The following SORCS2 variants were observed in gnomAD, a reference collection of about 807,000 sequenced individuals.
SORCS2 encodes the protein VPS10 domain-containing receptor SorCS2.
SORCS2 carries 100 observed loss-of-function variants against 141.6 expected under a neutral mutation model. That is an observed-to-expected ratio of 0.71 (90% confidence interval 0.60 to 0.83). The LOEUF is 0.83. Among genes scored for constraint, SORCS2 ranks in the 40% least tolerant of loss-of-function variants. SORCS2 has a pLI of 0.00. For synonymous variants in SORCS2, 789 were observed against 676.9 expected, an observed-to-expected ratio of 1.17 and a Z score of -2.57; for missense variants, 1,646 against 1,560.2, an observed-to-expected ratio of 1.05 and a Z score of -0.93.
chr4:7,578,893 A>T (rs371444886), intron 3 of SORCS2, among the ~76,000 whole-genome samples: 15 of 152,316 alleles, frequency 9.8e-5, no homozygotes, highest in Middle Eastern at 3.4e-3. Flanking sequence ...AGCCCACCTT[A>T]TCCCTAAGTT....
At chr4:7,477,221 G>A (rs544103920) in intron 2 of SORCS2, among the ~76,000 whole-genome samples, 54 of 151,778 alleles carry the variant, frequency 3.6e-4, no homozygotes, top group Middle Eastern at 3.4e-3. Flanking sequence ...TCCAAATCTT[G>A]GGAATAGCCT....
chr4:7,265,949 C>T (rs189578408), intron 1 of SORCS2, among the ~76,000 whole-genome samples: 71 of 152,290 alleles, frequency 4.7e-4, no homozygotes, highest in African/African-American at 1.6e-3. Flanking sequence ...TGTCGAAAAA[C>T]AGCCTCCGGC....
At chr4:7,562,022 A>G (rs1193271489) in intron 3 of SORCS2, among the ~76,000 whole-genome samples, 3 of 152,236 alleles carry the variant, frequency 2.0e-5, no homozygotes, top group Non-Finnish European at 4.4e-5. Flanking sequence ...CTTGATCTGT[A>G]CAAAGCACTG....
At chr4:7,703,214 G>A (rs558531160) in intron 12 of SORCS2, 66 bp from the exon 13 acceptor site, 98 of 1,348,364 alleles carry the variant, frequency 7.3e-5, no homozygotes, top group Admixed American at 3.5e-4. Flanking sequence ...CCCAGGAGCC[G>A]CTCAGCCTGG....
intron 3 of SORCS2, among the ~76,000 whole-genome samples, chr4:7,603,912 C>T (rs1211020274): frequency 6.6e-6 from 1 of 152,088 alleles, no homozygotes; most frequent in African/African-American, 2.4e-5. Flanking sequence ...CTCGAGTTTA[C>T]ACATCTTTGG....
At chr4:7,574,653 G>A (rs189557214) in intron 3 of SORCS2, among the ~76,000 whole-genome samples, 10 of 152,144 alleles carry the variant, frequency 6.6e-5, no homozygotes, top group Middle Eastern at 3.4e-3. Flanking sequence ...GGGAGGGAGA[G>A]AGAGGAGATG....
intron 2 of SORCS2, among the ~76,000 whole-genome samples, chr4:7,398,213 C>T (rs1724344900): frequency 6.6e-6 from 1 of 152,168 alleles, no homozygotes; most frequent in African/African-American, 2.4e-5. Context: ...GGGCCCAAAA[C>T]CACTTACAGG....
intron 3 of SORCS2, among the ~76,000 whole-genome samples, chr4:7,582,377 A>G (rs1333597473): frequency 6.6e-6 from 1 of 152,240 alleles, no homozygotes; most frequent in African/African-American, 2.4e-5. Context: ...ATTATGTCAC[A>G]CTTCACTTAC....
rs918705565 is a variant in SORCS2 at position 7,740,385 on chromosome 4, C to T, written c.*121C>T. 2 of 845,594 alleles carry T rather than the reference C, an allele frequency of 2.4e-6. No homozygotes were observed. The highest frequency in any genetic ancestry group is 1.7e-5 in the African/African-American group (1 of 59,432). 52.4% of individuals were successfully genotyped at this position (845,594 alleles called of 1,614,324 possible). ...CCCCCTCCCTGAGTCGTCGCCACAC[C>T]AGGCGACAGGCACCACCCCCTCTGA... is the stretch of plus-strand genomic sequence containing the variant. On this transcript the variant is annotated 3_prime_UTR_variant, in exon 27 of 27. Coordinates refer to ENST00000507866, the MANE Select transcript of SORCS2 (RefSeq NM_020777.3).
At chr4:7,232,417 G>A (rs942295316) in intron 1 of SORCS2, among the ~76,000 whole-genome samples, 5 of 152,180 alleles carry the variant, frequency 3.3e-5, no homozygotes, top group Admixed American at 2.0e-4. Flanking sequence ...GCCGGAGAGC[G>A]CTAGTTAGCG....
At chr4:7,508,064 G>C (rs889125298) in intron 2 of SORCS2, among the ~76,000 whole-genome samples, 1 of 152,078 alleles carries the variant, frequency 6.6e-6, no homozygotes, top group Non-Finnish European at 1.5e-5. Context: ...TGTCCGTGTC[G>C]CGTGTCTGCG....
intron 5 of SORCS2, among the ~76,000 whole-genome samples, chr4:7,658,935 G>T (rs1721971512): frequency 6.6e-6 from 1 of 152,224 alleles, no homozygotes; most frequent in Non-Finnish European, 1.5e-5. Context: ...CCCCAACGCT[G>T]AGTGGCCACT....
At chr4:7,532,207 C>A (rs901006596) in intron 3 of SORCS2, among the ~76,000 whole-genome samples, 1 of 152,178 alleles carries the variant, frequency 6.6e-6, no homozygotes, top group African/African-American at 2.4e-5. Context: ...TCCTGGCCCA[C>A]CCCCTGAGCC....
intron 2 of SORCS2, among the ~76,000 whole-genome samples, chr4:7,461,625 G>A (rs545934071): frequency 6.8e-4 from 103 of 152,328 alleles, no homozygotes; most frequent in Middle Eastern, 3.4e-3. Context: ...TCCGAGGAGC[G>A]TAGCAGCAGC....
chr4:7,703,601 G>A (rs1725223644), intron 13 of SORCS2, among the ~76,000 whole-genome samples: 1 of 152,182 alleles, frequency 6.6e-6, no homozygotes, highest in East Asian at 1.9e-4. Context: ...CACAGAGGGA[G>A]GCCCCACCCC....
chr4:7,309,662 T>C (rs561007722), intron 1 of SORCS2, among the ~76,000 whole-genome samples: 3 of 152,270 alleles, frequency 2.0e-5, no homozygotes, highest in South Asian at 4.1e-4. Flanking sequence ...GGGAATGGAA[T>C]TCGGTTTGAG....
At chr4:7,391,623 G>A (rs1723870537) in intron 1 of SORCS2, among the ~76,000 whole-genome samples, 4 of 152,184 alleles carry the variant, frequency 2.6e-5, no homozygotes, top group Admixed American at 6.5e-5. Context: ...CTGAGGGAGC[G>A]AGCAGGCCCT....
chr4:7,596,376 C>T (rs1022495171), intron 3 of SORCS2, among the ~76,000 whole-genome samples: 5 of 152,134 alleles, frequency 3.3e-5, no homozygotes, highest in African/African-American at 4.8e-5. Context: ...TTGACTCATG[C>T]TGCTTTTTAT....
chr4:7,392,841 C>G (rs571017140), intron 1 of SORCS2, among the ~76,000 whole-genome samples: 3 of 151,668 alleles, frequency 2.0e-5, no homozygotes, highest in Admixed American at 6.6e-5. Context: ...CTGGGCGGTT[C>G]TGTGCCTCAG....
Sources: gnomAD v4.1 joint callset for allele counts (sites outside exome capture counted in the v4.1 genomes callset) on GRCh38, gnomAD v4.1.1 for gene constraint, MANE v1.5 for transcripts, NCBI Gene and HGNC (gene_info 2026-07-23, HGNC 2026-07-21) for gene names.